The following DMXL1 variants were observed in gnomAD, a reference collection of about 807,000 sequenced individuals.
DMXL1 encodes the protein Dmx like 1.
A neutral mutation model predicts 319.2 loss-of-function variants in DMXL1; 99 were observed. The observed-to-expected ratio is 0.31, with a 90% CI of 0.26 to 0.37. The LOEUF (loss-of-function observed/expected upper bound fraction) is 0.37, where lower values mean the gene tolerates loss of function less well. Ranked by LOEUF, DMXL1 falls within the 10% of genes least tolerant of loss-of-function variation. The pLI, the probability that DMXL1 is intolerant of heterozygous loss-of-function variation, is 1.00. For missense variants in DMXL1, 3,745 were observed against 3,595.6 expected (o/e 1.04, Z -1.06); for synonymous variants, 1,385 against 1,235.2 (o/e 1.12, Z -2.54).
Position 119,171,949 on chromosome 5 carries a change from C to G in DMXL1, c.6661C>G (p.Pro2221Ala), listed in dbSNP as rs1774658236. The G allele has an allele frequency of 6.2e-7, 1 of 1,612,494 alleles. No homozygotes were observed. The highest frequency in any genetic ancestry group is 8.5e-7 in the Non-Finnish European group (1 of 1,179,242). ...AATAAACTTTGATTCACCACCCCAC[C>G]CTGATATCCAAAGCAATAAAGTAAG... ...AIINFDSPPH[P>A]DIQSNKVYVM... The change falls in exon 25 of 44, where the codon CCT becomes GCT. Residue 2221 changes from proline (P) to alanine (A), a missense_variant. Transcript: ENST00000539542.
In DMXL1 at chr5:119,170,887, A is replaced by C. The variant is rs1367698066; in HGVS notation, c.6096A>C (p.Ala2032=). The change falls in exon 24 of 44, where the codon GCA becomes GCC. Residue 2032 remains alanine (A), a synonymous_variant. Transcript: ENST00000539542. ...TTGCAGTTCAGTTAAAATTTAGAGC[A>C]TGTTTAAAGATTCTCACAGTAGAAC... ...DIIAVQLKFR[A]CLKILTVELR... 2.5e-6 allele frequency: 4 copies of C among 1,612,842 alleles called. No individual in the cohort carries two copies. The highest frequency in any genetic ancestry group is 3.4e-6 in the Non-Finnish European group (4 of 1,179,770).
At chr5:119,201,306 C>T (rs1379311100) in intron 32 of DMXL1, among the ~76,000 whole-genome samples, 1 of 152,104 alleles carries the variant, frequency 6.6e-6, no homozygotes, top group Non-Finnish European at 1.5e-5. Context: ...AAAGCCTTTT[C>T]TTCATCTATT....
chr5:119,157,089 C>A (rs1771261008), intron 19 of DMXL1, among the ~76,000 whole-genome samples: 1 of 151,970 alleles, frequency 6.6e-6, no homozygotes, highest in Non-Finnish European at 1.5e-5. Flanking sequence ...TGGCCTCAAG[C>A]CATCCTCCTG....
intron 24 of DMXL1, among the ~76,000 whole-genome samples, chr5:119,171,575 T>C (rs62665262): frequency 1.3e-5 from 2 of 150,828 alleles, no homozygotes; most frequent in Non-Finnish European, 3.0e-5. Context: ...ATTTTTTTTT[T>C]CCCTCTCTGT....
At chr5:119,193,138 C>T (rs557003304) in intron 29 of DMXL1, among the ~76,000 whole-genome samples, 1 of 152,252 alleles carries the variant, frequency 6.6e-6, no homozygotes, top group South Asian at 2.1e-4. Context: ...TAGTGATATA[C>T]TTAGCATATA....
chr5:119,095,137 G>A (rs1178905966), intron 1 of DMXL1, among the ~76,000 whole-genome samples: 2 of 152,174 alleles, frequency 1.3e-5, no homozygotes, highest in Non-Finnish European at 1.5e-5. Context: ...TTACAGATGT[G>A]AGCCACCATG....
chr5:119,232,447 A>G lies in DMXL1; in HGVS notation c.8339-893A>G, dbSNP rs545138594. On this transcript the variant is annotated intron_variant, in intron 38 of 43. Coordinates refer to ENST00000539542, the MANE Select transcript of DMXL1 (RefSeq NM_001290321.3). ...ATTTTTTTTACTACCTCCATACCAC[A>G]TTAATATTGATAATGATACTCTATA... Among the ~76,000 whole-genome samples, 3 of 152,222 alleles carry G rather than the reference A, an allele frequency of 2.0e-5. No individual in the cohort carries two copies. In the South Asian group the frequency reaches 6.2e-4, roughly 32 times the overall value.
Position 119,133,239 on chromosome 5 carries a change from A to G in DMXL1, c.1423A>G (p.Ile475Val), listed in dbSNP as rs773770399. The G allele has an allele frequency of 8.7e-5, 141 of 1,614,206 alleles. No individual in the cohort carries two copies. The Middle Eastern group carries it at 3.6e-3, about 42-fold the overall frequency. ...TTTTACATCATTATCGTCAGCTGCC[A>G]TTGATCATCAGATTGAAGTACTTCT... ...SSFTSLSSAA[I>V]DHQIEVLLSE... is the part of the protein sequence containing the mutation. Residue 475 changes from isoleucine to valine, a missense_variant, in exon 11 of 44, where the codon ATT becomes GTT. Physicochemically the swap from Ile to Val is conservative, Grantham distance 29 (BLOSUM62 3). Around this residue, in one of 4 missense-constraint regions of DMXL1, gnomAD observed 2,096 missense variants for 1,985.4 expected, o/e 1.06. Coordinates refer to ENST00000539542, the MANE Select transcript of DMXL1 (RefSeq NM_001290321.3).
At chr5:119,144,753 G>C in intron 15 of DMXL1, 115 bp downstream of exon 15, 1 of 579,242 alleles carries the variant, frequency 1.7e-6, no homozygotes, top group Non-Finnish European at 2.9e-6. Context: ...AATTGGGGTA[G>C]GTTTGTTTAT....
chr5:119,118,695 T>G, intron 7 of DMXL1, 120 bp from the exon 8 acceptor site: 1 of 723,938 alleles, frequency 1.4e-6, no homozygotes, highest in Non-Finnish European at 2.3e-6. Flanking sequence ...CTGTACATAT[T>G]GATATTTTCT....
chr5:119,126,767 C>T (rs1763674093), intron 9 of DMXL1: 1 of 154,832 alleles, frequency 6.5e-6, no homozygotes, highest in African/African-American at 2.4e-5. Context: ...GAAAGATCTT[C>T]ACTTTCTATT....
intron 1 of DMXL1, among the ~76,000 whole-genome samples, chr5:119,072,695 T>G (rs2149646130): frequency 1.3e-5 from 2 of 152,342 alleles, no homozygotes; most frequent in South Asian, 4.1e-4. Context: ...ACTCAGCATT[T>G]AAAATGGTGG....
intron 38 of DMXL1, among the ~76,000 whole-genome samples, chr5:119,228,910 G>C (rs1297861426): frequency 6.6e-6 from 1 of 151,898 alleles, no homozygotes; most frequent in Non-Finnish European, 1.5e-5. Context: ...AAAAACCTTA[G>C]ATATTTTAAT....
rs1439662769 is a variant in DMXL1, at chr5:119,177,986, G to T, written c.6887-10G>T. On this transcript the variant is annotated splice_polypyrimidine_tract_variant and intron_variant, in intron 27 of 43. Coordinates refer to ENST00000539542, the MANE Select transcript of DMXL1 (RefSeq NM_001290321.3). The stretch of plus-strand genomic sequence containing the variant: ...TAGTCAGTGACAGCTATGTTTGTTT[G>T]TCGTTCTAGGAATAACTTGTCTAAT... 1 of 1,578,376 alleles carries T rather than the reference G, an allele frequency of 6.3e-7. No individual in the cohort carries two copies. The highest frequency in any genetic ancestry group is 2.3e-5 in the East Asian group (1 of 43,986).
At chr5:119,172,474 ATTC>A (rs1197209920) in intron 25 of DMXL1, among the ~76,000 whole-genome samples, 8 of 152,160 alleles carry the variant, frequency 5.3e-5, no homozygotes, top group African/African-American at 1.9e-4. Context: ...AAAAGTCTGG[ATTC>A]TCAAGTTCAC....
At chr5:119,113,102 A>C (rs1403709511) in intron 5 of DMXL1, among the ~76,000 whole-genome samples, 1 of 152,226 alleles carries the variant, frequency 6.6e-6, no homozygotes, top group Admixed American at 6.5e-5. Flanking sequence ...GCAGTGAAAA[A>C]TTATTTGAAA....
At chr5:119,245,167 T>C (rs1789517875) in intron 43 of DMXL1, among the ~76,000 whole-genome samples, 1 of 152,220 alleles carries the variant, frequency 6.6e-6, no homozygotes, top group South Asian at 2.1e-4. Context: ...GACTCAGGGA[T>C]CTGCATTTTA....
rs928794542 is a variant in DMXL1 at position 119,244,706 on chromosome 5, T to C, written c.8922+130T>C. 8.6e-5 allele frequency: 51 copies of C among 590,694 alleles called. No individual in the cohort carries two copies. The East Asian group carries it at 1.4e-3, about 16-fold the overall frequency. 36.6% of individuals were successfully genotyped at this position (590,694 alleles called of 1,614,324 possible). A position where few individuals can be genotyped will look rare whatever the true frequency, so the allele number is the denominator to read the frequency against. On this transcript the variant is annotated intron_variant, in intron 43 of 43. Coordinates refer to ENST00000539542, the MANE Select transcript of DMXL1 (RefSeq NM_001290321.3). ...ATTCCTTTGTAGTCAGCAGTGCTAA[T>C]TGCTATTTAATCTTTCAATGAATGG...
At chr5:119,158,439 T>C (rs973479737) in intron 19 of DMXL1, among the ~76,000 whole-genome samples, 2 of 152,218 alleles carry the variant, frequency 1.3e-5, no homozygotes, top group African/African-American at 4.8e-5. Flanking sequence ...ACATTTTCAC[T>C]TCTTTATTTC....
Sources: gnomAD v4.1 joint callset for allele counts (sites outside exome capture counted in the v4.1 genomes callset) on GRCh38, gnomAD v4.1.1 for gene constraint, gnomAD v4.1.1 regional missense constraint, MANE v1.5 for transcripts, NCBI Gene and HGNC (gene_info 2026-07-23, HGNC 2026-07-21) for gene names.